The following ORC5 variants were observed in gnomAD, a reference collection of about 807,000 sequenced individuals.
ORC5 encodes origin recognition complex subunit 5.
A neutral mutation model predicts 58.8 loss-of-function variants in ORC5; 39 were observed. The ratio of observed to expected loss-of-function variants is 0.66; its 90% CI spans 0.51 to 0.87. ORC5 has a LOEUF of 0.87. Ranked by LOEUF, ORC5 falls within the 40% of genes least tolerant of loss-of-function variation. The pLI is 0.00. For missense variants in ORC5, 493 were observed against 506.3 expected (o/e 0.97, Z 0.25); for synonymous variants, 218 against 177.6 (o/e 1.23, Z -1.81).
chr7:104,171,027 A>G (rs1799202037), intron 8 of ORC5, among the ~76,000 whole-genome samples: 1 of 152,036 alleles, frequency 6.6e-6, no homozygotes, highest in African/African-American at 2.4e-5. Context: ...CATTTCTGAG[A>G]TAACTACTAT....
At chr7:104,188,605 C>T (rs1394170676) in intron 5 of ORC5, among the ~76,000 whole-genome samples, 2 of 152,108 alleles carry the variant, frequency 1.3e-5, no homozygotes, top group African/African-American at 4.8e-5. Flanking sequence ...CTTCTAAAAA[C>T]CCTCATAATT....
chr7:104,183,252 T>C (rs894627261), intron 8 of ORC5, among the ~76,000 whole-genome samples: 1 of 152,138 alleles, frequency 6.6e-6, no homozygotes, highest in Non-Finnish European at 1.5e-5. Flanking sequence ...GGACTCTAGG[T>C]AGACTCAGCC....
At chr7:104,202,776 G>A (rs982930366) in intron 2 of ORC5, among the ~76,000 whole-genome samples, 2 of 152,156 alleles carry the variant, frequency 1.3e-5, no homozygotes, top group Admixed American at 6.5e-5. Context: ...TATAGCCCAG[G>A]CATATGTGTT....
chr7:104,165,490 C>G (rs1334340012), intron 10 of ORC5: 2 of 378,538 alleles, frequency 5.3e-6, no homozygotes, highest in Non-Finnish European at 9.3e-6. Context: ...TATAAAATTA[C>G]TTTTGCATGT....
At chr7:104,153,048 C>G (rs1467450902) in intron 12 of ORC5, among the ~76,000 whole-genome samples, 2 of 152,106 alleles carry the variant, frequency 1.3e-5, no homozygotes, top group African/African-American at 2.4e-5. Flanking sequence ...AAACACTGTT[C>G]TTTTACATAT....
At chr7:104,180,821 G>T (rs758114592) in intron 8 of ORC5, among the ~76,000 whole-genome samples, 2 of 152,050 alleles carry the variant, frequency 1.3e-5, no homozygotes, top group Admixed American at 1.3e-4. Flanking sequence ...AGTCATAATT[G>T]TGGTCATTAT....
intron 8 of ORC5, among the ~76,000 whole-genome samples, chr7:104,173,858 T>TTTTTTTTTTTTTTTTTTTTTTTTTTTTTC (rs1799264388): frequency 7.0e-6 from 1 of 143,754 alleles, no homozygotes. Context: ...TTTTTTTTTT[T>TTTTTTTTTTTTTTTTTTTTTTTTTTTTTC]TTTTGAGACG....
At chr7:104,181,732 T>C (rs1173071883) in intron 8 of ORC5, among the ~76,000 whole-genome samples, 1 of 147,992 alleles carries the variant, frequency 6.8e-6, no homozygotes, top group Non-Finnish European at 1.5e-5. Context: ...GAGGAGCTTG[T>C]AGTGAGCCGA....
intron 5 of ORC5, among the ~76,000 whole-genome samples, chr7:104,189,767 T>C (rs1404635667): frequency 6.6e-6 from 1 of 152,088 alleles, no homozygotes; most frequent in African/African-American, 2.4e-5. Context: ...GGCTGTTCAT[T>C]TGTATCCTTT....
At position 104,188,239 on chromosome 7, in the gene ORC5, A is replaced by C. The variant is rs760947120; in HGVS notation, c.684+12T>G. ...ACACATATATATATATTCAAGCAAA[A>C]TGTTCATTTACCAGATGTCTGAGCT... On this transcript the variant is annotated intron_variant, in intron 6 of 13. Transcript: ENST00000297431. 3.2e-5 allele frequency: 51 copies of C among 1,597,218 alleles called. No individual in the cohort carries two copies. The South Asian group carries it at 5.5e-4, about 17-fold the overall frequency.
At chr7:104,188,655 CATA>C (rs753598727) in intron 5 of ORC5, among the ~76,000 whole-genome samples, 12 of 152,092 alleles carry the variant, frequency 7.9e-5, no homozygotes, top group Non-Finnish European at 1.8e-4. Context: ...TTTTGTTACT[CATA>C]ATAAGTCCTT....
Position 104,160,898 on chromosome 7 carries a change from AC to A in ORC5, c.1149+173del, listed in dbSNP as rs147724350. Among the ~76,000 whole-genome samples the A allele has an allele frequency of 3.4e-3, 516 of 152,236 alleles. 1 individual carries two copies. Among genetic ancestry groups the A allele is most frequent in the Middle Eastern group, 0.01 (3 of 294 alleles). ...TGTAAACATATGTAAATTTAGTGAT[AC>A]CCCCAAAGATTCTATATACGTAATT... On this transcript the variant is annotated intron_variant, in intron 12 of 13. Coordinates refer to ENST00000297431, the MANE Select transcript of ORC5 (RefSeq NM_002553.4).
At chr7:104,178,146 A>AT (rs1325814869) in intron 8 of ORC5, among the ~76,000 whole-genome samples, 1 of 152,198 alleles carries the variant, frequency 6.6e-6, no homozygotes, top group East Asian at 1.9e-4. Flanking sequence ...GAATCACCAC[A>AT]CTGTCTTTCA....
chr7:104,207,892 C>G lies in ORC5; in HGVS notation c.13G>C (p.Glu5Gln). Residue 5 changes from glutamate to glutamine, a missense_variant, in exon 1 of 14, where the codon GAA becomes CAA. Physicochemically the swap from Glu to Gln is conservative, Grantham distance 29 (BLOSUM62 2). This residue lies in a region of ORC5 where 412 missense variants were observed against 403.7 expected (regional missense o/e 1.02). Coordinates refer to ENST00000297431, the MANE Select transcript of ORC5 (RefSeq NM_002553.4). Reference protein sequence around the residue: MPHLENVVLCRESQV... With the variant: MPHLQNVVLCRESQV... ...GACTCGCGACAAAGCACCACGTTTTCCAAGTGGGGCATTCTGGCAGGCACC... is the reference window on the plus strand; with the variant it reads ...GACTCGCGACAAAGCACCACGTTTTGCAAGTGGGGCATTCTGGCAGGCACC... 1 of 1,614,194 alleles carries G rather than the reference C, an allele frequency of 6.2e-7. No homozygotes were observed. The highest frequency in any genetic ancestry group is 1.7e-5 in the Admixed American group (1 of 60,038).
rs1198294278 is a variant in ORC5, at chr7:104,200,934, C to T, written c.190G>A (p.Val64Ile). Reference sequence around the variant, plus strand: ...AGCAGCCTCAATGTAAAGCATTCAACACAATTCACAAACACATGTGGGAGC... The same window carrying T: ...AGCAGCCTCAATGTAAAGCATTCAATACAATTCACAAACACATGTGGGAGC... Reference protein sequence around the residue: ...LELPHVFVNCVECFTLRLLLE... With the variant: ...LELPHVFVNCIECFTLRLLLE... Residue 64 changes from valine (V) to isoleucine (I), a missense_variant, in exon 3 of 14, where the codon GTT (valine) becomes ATT (isoleucine). By Grantham distance (29) the Val-to-Ile change is conservative. Coordinates refer to ENST00000297431, the MANE Select transcript of ORC5 (RefSeq NM_002553.4). 2 of 1,613,262 alleles carry T rather than the reference C, an allele frequency of 1.2e-6. No individual in the cohort carries two copies. Among genetic ancestry groups the T allele is most frequent in the Non-Finnish European group, 1.7e-6 (2 of 1,179,418 alleles).
rs1225344853 is a variant in ORC5 at position 104,136,415 on chromosome 7, T to G, written c.1262+366A>C. 3.3e-5 allele frequency among the ~76,000 whole-genome samples: 5 copies of G among 152,188 alleles called. No homozygotes were observed. Among genetic ancestry groups the G allele is most frequent in the Admixed American group, 6.6e-5 (1 of 15,266 alleles). On this transcript the variant is annotated intron_variant, in intron 13 of 13. Coordinates refer to ENST00000297431, the MANE Select transcript of ORC5 (RefSeq NM_002553.4). This position sits in a 1 kb window ranked among gnomAD's most constrained non-coding sequence, Gnocchi z 4.2. ...ATCAGTGTTACCTAAGTCAGGATTT[T>G]TAAAGCCTTGTAGTCAGCTAAAAAA...
intron 8 of ORC5, among the ~76,000 whole-genome samples, chr7:104,171,324 T>C (rs771016060): frequency 2.0e-5 from 3 of 152,210 alleles, no homozygotes; most frequent in Non-Finnish European, 4.4e-5. Flanking sequence ...TTTTATTCAT[T>C]TTGAAATACC....
At chr7:104,158,547 A>C (rs1164299427) in intron 12 of ORC5, among the ~76,000 whole-genome samples, 2 of 151,826 alleles carry the variant, frequency 1.3e-5, no homozygotes, top group African/African-American at 4.9e-5. Context: ...GCAACCTACA[A>C]AATGGGAGAA....
At chr7:104,171,796 T>TA (rs1799215814) in intron 8 of ORC5, among the ~76,000 whole-genome samples, 1 of 152,082 alleles carries the variant, frequency 6.6e-6, no homozygotes, top group Non-Finnish European at 1.5e-5. Flanking sequence ...TTGAGGCTGC[T>TA]ATGAGCTGTG....
Sources: allele counts gnomAD v4.1 joint callset (sites outside exome capture counted in the v4.1 genomes callset), GRCh38; gene constraint gnomAD v4.1.1; regional missense constraint gnomAD v4.1.1; non-coding constraint Gnocchi (gnomAD v3.1); transcripts MANE v1.5; gene names NCBI Gene and HGNC (gene_info 2026-07-23, HGNC 2026-07-21).